The following PPM1H variants were observed in gnomAD, a reference collection of about 807,000 sequenced individuals.
The protein encoded by PPM1H is protein phosphatase, Mg2+/Mn2+ dependent 1H, also known as protein phosphatase 1H.
In PPM1H, 27 loss-of-function variants were observed where a neutral mutation model predicts 54.9. That is an observed-to-expected ratio of 0.49 (90% CI 0.36 to 0.68). PPM1H has a LOEUF of 0.68. Ranked by LOEUF, PPM1H falls within the 30% of genes least tolerant of loss-of-function variation. The pLI is 0.00. For missense variants in PPM1H, 596 were observed against 667.8 expected (o/e 0.89, Z 1.19); for synonymous variants, 305 against 270.8 (o/e 1.13, Z -1.24).
In PPM1H at chr12:62,935,019, A is replaced by G. The variant is rs1592678146; in HGVS notation, c.-283T>C. 1 of 208,570 alleles carries G rather than the reference A, an allele frequency of 4.8e-6. No individual in the cohort carries two copies. The highest frequency in any genetic ancestry group is 1.9e-4 in the South Asian group (1 of 5,312). The allele number at this position is 208,570 out of a possible 1,614,324, so 12.9% of individuals were successfully genotyped here. A position where few individuals can be genotyped will look rare whatever the true frequency, so the allele number is the denominator to read the frequency against. ...GTCACCGCGCGCTCCAGGAGCGCCC[A>G]GGCGGCTGCAGCTGCAGCAGGTCCC... On this transcript the variant is annotated 5_prime_UTR_variant, in exon 1 of 10. Coordinates refer to ENST00000228705, the MANE Select transcript of PPM1H (RefSeq NM_020700.2).
chr12:62,861,611 C>G (rs1869604389), intron 1 of PPM1H, among the ~76,000 whole-genome samples: 1 of 152,178 alleles, frequency 6.6e-6, no homozygotes, highest in Admixed American at 6.5e-5. Flanking sequence ...AGTAATAGAT[C>G]GTTTAATTCC....
At chr12:62,874,557 T>TC (rs1335186154) in intron 1 of PPM1H, among the ~76,000 whole-genome samples, 12 of 151,884 alleles carry the variant, frequency 7.9e-5, no homozygotes, top group African/African-American at 2.9e-4. Context: ...GAGAAGGCAC[T>TC]CCCCAAAGAC....
intron 1 of PPM1H, among the ~76,000 whole-genome samples, chr12:62,860,480 C>G (rs1869559410): frequency 6.6e-6 from 1 of 152,068 alleles, no homozygotes; most frequent in Admixed American, 6.6e-5. Context: ...ACAAAACAGG[C>G]ACAAAGCTCT....
At chr12:62,706,853 C>T (rs2076177498) in intron 6 of PPM1H, among the ~76,000 whole-genome samples, 1 of 152,168 alleles carries the variant, frequency 6.6e-6, no homozygotes, top group African/African-American at 2.4e-5. Flanking sequence ...AGCTCATCTT[C>T]ACATTCTAGG....
At chr12:62,745,935 A>C (rs985529530) in intron 4 of PPM1H, among the ~76,000 whole-genome samples, 6 of 152,186 alleles carry the variant, frequency 3.9e-5, no homozygotes, top group Admixed American at 2.0e-4. Context: ...GCTCACACCT[A>C]TAATCCCAGC....
intron 3 of PPM1H, 36 bp downstream of exon 3, chr12:62,801,780 C>T (rs756128923): frequency 8.1e-6 from 13 of 1,607,608 alleles, no homozygotes; most frequent in Non-Finnish European, 9.4e-6. Context: ...AGGCGCCAGC[C>T]TGGCCCTGCT....
chr12:62,828,025 G>A (rs905150498), intron 2 of PPM1H, among the ~76,000 whole-genome samples: 2 of 152,160 alleles, frequency 1.3e-5, no homozygotes, highest in Non-Finnish European at 2.9e-5. Context: ...TGTTCAGTGG[G>A]TGAGGGAACA....
At chr12:62,714,304 T>C (rs1260193690) in intron 6 of PPM1H, among the ~76,000 whole-genome samples, 3 of 152,178 alleles carry the variant, frequency 2.0e-5, no homozygotes, top group African/African-American at 7.2e-5. Context: ...GAATGGAAAT[T>C]TCTCTTTGCC....
chr12:62,729,463 A>G (rs2076307916), intron 5 of PPM1H, among the ~76,000 whole-genome samples: 1 of 152,262 alleles, frequency 6.6e-6, no homozygotes, highest in Non-Finnish European at 1.5e-5. Context: ...GGAGTTAAAT[A>G]AAGTGAAACT....
chr12:62,656,914 C>T (rs1393173604), intron 9 of PPM1H, among the ~76,000 whole-genome samples: 3 of 152,034 alleles, frequency 2.0e-5, no homozygotes, highest in Admixed American at 2.0e-4. Context: ...CTAGGCAACT[C>T]ATCCTGGGAA....
At chr12:62,740,463 T>G (rs2076375047) in intron 4 of PPM1H, among the ~76,000 whole-genome samples, 1 of 152,236 alleles carries the variant, frequency 6.6e-6, no homozygotes, top group Non-Finnish European at 1.5e-5. Flanking sequence ...TGGACTAGGA[T>G]TCTGTCTCAG....
chr12:62,680,924 C>G (rs1277047796), intron 8 of PPM1H, among the ~76,000 whole-genome samples: 1 of 152,140 alleles, frequency 6.6e-6, no homozygotes, highest in Non-Finnish European at 1.5e-5. Flanking sequence ...AGTTATTTCT[C>G]TGGTCCCTAT....
intron 9 of PPM1H, among the ~76,000 whole-genome samples, chr12:62,662,000 T>C (rs1170799188): frequency 6.6e-6 from 1 of 152,222 alleles, no homozygotes; most frequent in African/African-American, 2.4e-5. Flanking sequence ...CCGAAAGGCA[T>C]ACAGAAAACA....
At chr12:62,822,586 A>C (rs2076910941) in intron 2 of PPM1H, among the ~76,000 whole-genome samples, 3 of 152,246 alleles carry the variant, frequency 2.0e-5, no homozygotes, top group Non-Finnish European at 2.9e-5. Context: ...AGGATTAAGA[A>C]ACTCACTCAA....
intron 1 of PPM1H, among the ~76,000 whole-genome samples, chr12:62,902,189 C>T (rs1427625274): frequency 1.3e-5 from 2 of 151,644 alleles, no homozygotes; most frequent in African/African-American, 2.4e-5. Context: ...GGCGAAACCC[C>T]GTCTCTACTA....
In PPM1H at chr12:62,648,459, C is replaced by T. The variant is rs2075798643; in HGVS notation, c.*30G>A. ...CCAAGAGGCATCCCAGCTTTCTTCC[C>T]CTCTGTCCTCCCAATCCCCTGGGCC... On this transcript the variant is annotated 3_prime_UTR_variant, in exon 10 of 10. Transcript: ENST00000228705. 1 of 1,611,974 alleles carries T rather than the reference C, an allele frequency of 6.2e-7. No homozygotes were observed. Among genetic ancestry groups the T allele is most frequent in the Non-Finnish European group, 8.5e-7 (1 of 1,178,534 alleles).
At chr12:62,872,230 G>A (rs1300353063) in intron 1 of PPM1H, among the ~76,000 whole-genome samples, 2 of 152,218 alleles carry the variant, frequency 1.3e-5, no homozygotes, top group African/African-American at 4.8e-5. Flanking sequence ...AAGTACTGCA[G>A]GGTTGACAGC....
intron 1 of PPM1H, among the ~76,000 whole-genome samples, chr12:62,848,090 A>AT (rs1869042544): frequency 6.6e-6 from 1 of 152,248 alleles, no homozygotes; most frequent in African/African-American, 2.4e-5. Flanking sequence ...ATTTTTCTTC[A>AT]TAAAAAGGAC....
chr12:62,915,673 G>C (rs1871599881), intron 1 of PPM1H, among the ~76,000 whole-genome samples: 1 of 152,148 alleles, frequency 6.6e-6, no homozygotes. Context: ...ATTCAGACAT[G>C]ATTGAAGGGA....
Sources: gnomAD v4.1 joint callset for allele counts (sites outside exome capture counted in the v4.1 genomes callset) on GRCh38, gnomAD v4.1.1 for gene constraint, MANE v1.5 for transcripts, NCBI Gene and HGNC (gene_info 2026-07-23, HGNC 2026-07-21) for gene names.